The following PIP5K1B variants were observed in gnomAD, a reference collection of about 807,000 sequenced individuals.
PIP5K1B encodes phosphatidylinositol-4-phosphate 5-kinase type 1 beta, also known as phosphatidylinositol 4-phosphate 5-kinase type-1 beta.
In PIP5K1B, 42 loss-of-function variants were observed where a neutral mutation model predicts 67.0. The ratio of observed to expected loss-of-function variants is 0.63; its 90% CI spans 0.49 to 0.81. The LOEUF (loss-of-function observed/expected upper bound fraction) is 0.81, where lower values mean the gene tolerates loss of function less well. Among genes scored for constraint, PIP5K1B ranks in the 30% least tolerant of loss-of-function variants. The pLI is 0.00. For synonymous variants in PIP5K1B, 214 were observed against 231.4 expected (o/e 0.92, Z 0.68); for missense variants, 459 against 646.3 (o/e 0.71, Z 3.14).
chr9:68,759,987 G>A (rs1234226348), intron 2 of PIP5K1B, among the ~76,000 whole-genome samples: 3 of 152,088 alleles, frequency 2.0e-5, no homozygotes, highest in Admixed American at 6.6e-5. Flanking sequence ...GCAGCAAACA[G>A]GGTTGGTCAG....
chr9:68,844,654 C>T (rs978515412), intron 4 of PIP5K1B, among the ~76,000 whole-genome samples: 1 of 152,108 alleles, frequency 6.6e-6, no homozygotes, highest in Non-Finnish European at 1.5e-5. Context: ...TTGTTGGTAG[C>T]TCTGACACCA....
intron 4 of PIP5K1B, among the ~76,000 whole-genome samples, chr9:68,848,478 A>G (rs10869407): frequency 0.32 from 48,524 of 152,128 alleles, 7,879 homozygotes; most frequent in East Asian, 0.39. Flanking sequence ...AGAGTCCAGC[A>G]TCCCAGTGAG....
intron 8 of PIP5K1B, among the ~76,000 whole-genome samples, chr9:68,907,726 G>A (rs1342168343): frequency 1.3e-5 from 2 of 152,102 alleles, no homozygotes; most frequent in African/African-American, 4.8e-5. Context: ...CCTTCCTGCC[G>A]AATTAATTAC....
rs577747821 is a variant in PIP5K1B at position 68,895,479 on chromosome 9, C to T, written c.771+841C>T. Among the ~76,000 whole-genome samples the T allele has an allele frequency of 1.3e-3, 192 of 152,120 alleles. 3 individuals carry two copies. In the South Asian group the frequency reaches 0.038, roughly 30 times the overall value. ...TGTGGTTTTCTGCACTTTCCATGGG[C>T]CTGGACGGATGACCCATGTTGTTAT... On this transcript the variant is annotated intron_variant, in intron 8 of 15. Coordinates refer to ENST00000265382, the MANE Select transcript of PIP5K1B (RefSeq NM_003558.4).
intron 14 of PIP5K1B, among the ~76,000 whole-genome samples, chr9:68,941,897 A>G (rs942160162): frequency 2.6e-5 from 4 of 152,190 alleles, no homozygotes; most frequent in African/African-American, 7.2e-5. Flanking sequence ...TCAGCTAGAT[A>G]CAAGATTAGG....
chr9:68,891,199 A>G (rs924340133), intron 7 of PIP5K1B, among the ~76,000 whole-genome samples: 6 of 152,214 alleles, frequency 3.9e-5, no homozygotes, highest in Admixed American at 3.9e-4. Context: ...GCAGTGAACT[A>G]TGATCAAGCC....
chr9:68,857,159 G>A (rs1359483478), intron 4 of PIP5K1B, among the ~76,000 whole-genome samples: 5 of 152,186 alleles, frequency 3.3e-5, no homozygotes, highest in Admixed American at 1.3e-4. Flanking sequence ...CTGAAGGAAC[G>A]CAGCCTTGTC....
intron 1 of PIP5K1B, among the ~76,000 whole-genome samples, chr9:68,709,985 C>T (rs1827306627): frequency 6.6e-6 from 1 of 152,160 alleles, no homozygotes; most frequent in South Asian, 2.1e-4. Context: ...AGCCAGAAGC[C>T]AAAGGTAGCC....
At chr9:68,821,123 T>G (rs1445846384) in intron 3 of PIP5K1B, among the ~76,000 whole-genome samples, 1 of 151,726 alleles carries the variant, frequency 6.6e-6, no homozygotes, top group Admixed American at 6.6e-5. Flanking sequence ...AACAAAATAA[T>G]TACAAAAAAT....
At chr9:68,882,803 A>T (rs187648844) in intron 6 of PIP5K1B, among the ~76,000 whole-genome samples, 145 of 152,336 alleles carry the variant, frequency 9.5e-4, no homozygotes, top group African/African-American at 3.1e-3. Flanking sequence ...CTTGGAGTCC[A>T]CACCTTTATA....
chr9:68,901,641 G>A (rs1222750683), intron 8 of PIP5K1B, among the ~76,000 whole-genome samples: 1 of 152,198 alleles, frequency 6.6e-6, no homozygotes, highest in African/African-American at 2.4e-5. Flanking sequence ...TTAAAATTAT[G>A]AGTTTTGGCT....
intron 2 of PIP5K1B, among the ~76,000 whole-genome samples, chr9:68,766,422 T>A (rs1437729589): frequency 6.6e-6 from 1 of 152,188 alleles, no homozygotes; most frequent in African/African-American, 2.4e-5. Context: ...TTAAAAATAG[T>A]TGAAAAAAAT....
At chr9:68,858,130 T>G (rs1222471581) in intron 4 of PIP5K1B, among the ~76,000 whole-genome samples, 1 of 152,058 alleles carries the variant, frequency 6.6e-6, no homozygotes, top group East Asian at 1.9e-4. Flanking sequence ...TGCGCCACCA[T>G]GCCCGGCTAA....
intron 4 of PIP5K1B, among the ~76,000 whole-genome samples, chr9:68,823,181 C>A (rs1359076791): frequency 2.0e-5 from 3 of 152,116 alleles, no homozygotes; most frequent in Non-Finnish European, 4.4e-5. Context: ...AGCTGATTAG[C>A]AACGTTAATT....
intron 4 of PIP5K1B, among the ~76,000 whole-genome samples, chr9:68,850,608 G>A (rs1822430981): frequency 6.6e-6 from 1 of 152,308 alleles, no homozygotes; most frequent in African/African-American, 2.4e-5. Flanking sequence ...TATAAGCATT[G>A]TGTTATTTCC....
intron 1 of PIP5K1B, among the ~76,000 whole-genome samples, chr9:68,734,499 G>A (rs1172008543): frequency 6.6e-6 from 1 of 152,222 alleles, no homozygotes. Context: ...GCTTTGTTGA[G>A]TGGTTGACCA....
intron 7 of PIP5K1B, among the ~76,000 whole-genome samples, chr9:68,890,562 CTTAAA>C (rs1456688933): frequency 2.6e-5 from 4 of 151,860 alleles, no homozygotes; most frequent in South Asian, 2.1e-4. Context: ...GCATTAAATA[CTTAAA>C]TTAATCTCAT....
intron 5 of PIP5K1B, among the ~76,000 whole-genome samples, chr9:68,869,398 C>A (rs1285826597): frequency 6.6e-6 from 1 of 152,168 alleles, no homozygotes; most frequent in Admixed American, 6.5e-5. Flanking sequence ...AAACCATCCC[C>A]CCATTTCCAC....
At chr9:68,965,081 A>G (rs976660512) in intron 14 of PIP5K1B, among the ~76,000 whole-genome samples, 31 of 152,364 alleles carry the variant, frequency 2.0e-4, no homozygotes, top group African/African-American at 7.5e-4. Context: ...GTAACCTAGC[A>G]TAGAAGCTTT....
Sources: gnomAD v4.1 joint callset for allele counts (sites outside exome capture counted in the v4.1 genomes callset) on GRCh38, gnomAD v4.1.1 for gene constraint, MANE v1.5 for transcripts, NCBI Gene and HGNC (gene_info 2026-07-23, HGNC 2026-07-21) for gene names.